RBM4: variants seen among roughly 807,000 people sequenced by gnomAD.
RBM4 encodes RNA binding motif protein 4.
Under a neutral mutation model 29.5 loss-of-function variants are expected in RBM4, and 7 were observed. The ratio of observed to expected loss-of-function variants is 0.24; its 90% CI spans 0.14 to 0.45. The LOEUF is 0.45. Ranked by LOEUF, RBM4 falls within the 20% of genes least tolerant of loss-of-function variation. RBM4 has a pLI of 1.00. For synonymous variants in RBM4, 220 were observed against 205.4 expected (o/e 1.07, Z -0.61); for missense variants, 387 against 502.3 (o/e 0.77, Z 2.19).
Position 66,639,770 on chromosome 11 carries a change from C to T in RBM4, c.59C>T (p.Ser20Leu). 1.2e-6 allele frequency: 2 copies of T among 1,614,120 alleles called. No individual in the cohort carries two copies. The highest frequency in any genetic ancestry group is 1.7e-6 in the Non-Finnish European group (2 of 1,180,012). The change falls in exon 2 of 4, where the codon TCA (serine) becomes TTA (leucine). Residue 20 changes from serine to leucine, a missense_variant. By Grantham distance (145) the Ser-to-Leu change is moderately radical (BLOSUM62 -2). Coordinates refer to ENST00000310092, the MANE Select transcript of RBM4 (RefSeq NM_002896.4). ...GAGGCTACAGAGCAGGAGATTCGCT[C>T]ACTCTTCGAGCAGTATGGGAAGGTG... is the stretch of plus-strand genomic sequence containing the variant. ...PREATEQEIR[S>L]LFEQYGKVLE... is the part of the protein sequence containing the mutation.
chr11:66,645,986 T>C (rs1938676098), intron 3 of RBM4, 41 bp from the exon 4 acceptor site: 2 of 1,535,662 alleles, frequency 1.3e-6, no homozygotes. Flanking sequence ...AAAGCCCTTT[T>C]GAGCTTTGCT....
intron 2 of RBM4, among the ~76,000 whole-genome samples, chr11:66,659,277 T>C (rs1163895944): frequency 1.4e-5 from 2 of 139,672 alleles, no homozygotes; most frequent in African/African-American, 5.4e-5. Context: ...TTTTTTTTTT[T>C]TTTTTTTTTT....
chr11:66,652,465 T>G (rs1938853481), intron 2 of RBM4: 1 of 152,194 alleles, frequency 6.6e-6, no homozygotes, highest in Non-Finnish European at 1.5e-5. Flanking sequence ...AAAAAACAGC[T>G]AAAATGGCAA....
chr11:66,643,904 AGCAGCAGCCGCTGCTGCTGTT>A lies in RBM4; in HGVS notation c.868_888del (p.Ala290_Val296del), dbSNP rs1938576539. On this transcript the variant is annotated inframe_deletion, in exon 3 of 4. Transcript: ENST00000310092. This position sits in a 1 kb window ranked among gnomAD's most constrained non-coding sequence, Gnocchi z 6.1. The stretch of plus-strand genomic sequence containing the variant: ...GAGCTGCTGCCACAGCTGCTGCTGC[AGCAGCAGCCGCTGCTGCTGTT>A]ACTGCAGCTTCCACTTCATATTACG... 2 of 1,608,862 alleles carry A rather than the reference AGCAGCAGCCGCTGCTGCTGTT, an allele frequency of 1.2e-6. No individual in the cohort carries two copies. Among genetic ancestry groups the A allele is most frequent in the Non-Finnish European group, 1.7e-6 (2 of 1,178,472 alleles).
chr11:66,656,159 C>T (rs886076480), intron 2 of RBM4, among the ~76,000 whole-genome samples: 16 of 150,672 alleles, frequency 1.1e-4, no homozygotes, highest in African/African-American at 2.0e-4. Context: ...TTTTTTTAGG[C>T]GGAGTCTCGC....
At chr11:66,652,641 T>A (rs576507456) in intron 2 of RBM4, among the ~76,000 whole-genome samples, 2 of 152,158 alleles carry the variant, frequency 1.3e-5, no homozygotes, top group African/African-American at 2.4e-5. Flanking sequence ...CAGCTTCTCA[T>A]GAGATGCAAA....
Position 66,643,348 on chromosome 11 carries a change from A to T in RBM4, c.413-102A>T. 2.8e-6 allele frequency: 4 copies of T among 1,412,528 alleles called. 1 individual carries two copies. The South Asian group carries it at 4.4e-5, about 16-fold the overall frequency. 87.5% of individuals were successfully genotyped at this position (1,412,528 alleles called of 1,614,324 possible). ...TTTTCCTAAAGATGAGTCCTGCATT[A>T]GAATTGTCTAGATAAAGCCATTGCT... On this transcript the variant is annotated intron_variant, in intron 2 of 3. Coordinates refer to ENST00000310092, the MANE Select transcript of RBM4 (RefSeq NM_002896.4). This position sits in a 1 kb window ranked among gnomAD's most constrained non-coding sequence, Gnocchi z 6.1.
In RBM4 at chr11:66,644,049, G is replaced by C. The variant is rs762225011; in HGVS notation, c.1012G>C (p.Ala338Pro). Residue 338 changes from alanine (A) to proline (P), a missense_variant, in exon 3 of 4, where the codon GCA becomes CCA. Transcript: ENST00000310092. Reference protein sequence around the residue: ...GHESELSQASAAARNSLYDMA... With the variant: ...GHESELSQASPAARNSLYDMA... ...TGAGAGTGAGTTGTCCCAAGCTTCA[G>C]CAGCCGCGCGGAATTCTCTGTACGA... 1.2e-6 allele frequency: 2 copies of C among 1,613,880 alleles called. No individual in the cohort carries two copies. The highest frequency in any genetic ancestry group is 2.7e-5 in the African/African-American group (2 of 74,906).
Position 66,643,730 on chromosome 11 carries a change from T to C in RBM4, c.693T>C (p.Tyr231=). 1 of 1,614,088 alleles carries C rather than the reference T, an allele frequency of 6.2e-7. No homozygotes were observed. Among genetic ancestry groups the C allele is most frequent in the South Asian group, 1.1e-5 (1 of 91,076 alleles). ...YYKRCRAARS[Y]EAVAAAAASV... is the part of the protein sequence containing the mutation. ...AGCGCTGCCGTGCTGCCCGGTCCTA[T>C]GAGGCAGTGGCAGCTGCAGCTGCCT... The change falls in exon 3 of 4, where the codon TAT becomes TAC. Residue 231 remains tyrosine, a synonymous_variant. Transcript: ENST00000310092. This position sits in a 1 kb window ranked among gnomAD's most constrained non-coding sequence, Gnocchi z 6.1.
At chr11:66,647,347 T>TA (rs1049436657), downstream of RBM4, among the ~76,000 whole-genome samples, 1 of 151,960 alleles carries the variant, frequency 6.6e-6, no homozygotes, top group Admixed American at 6.6e-5. Flanking sequence ...ATTTTTTTTT[T>TA]AAATTAATTG....
chr11:66,654,162 C>G (rs1429912981), intron 2 of RBM4, among the ~76,000 whole-genome samples: 3 of 152,136 alleles, frequency 2.0e-5, no homozygotes, highest in Admixed American at 2.0e-4. Context: ...GTACTTAGGA[C>G]TACAGGCATA....
downstream of RBM4, among the ~76,000 whole-genome samples, chr11:66,650,629 C>G (rs948288030): frequency 6.6e-6 from 1 of 151,120 alleles, no homozygotes; most frequent in Non-Finnish European, 1.5e-5. Context: ...TTTGGGAGGC[C>G]GAGGTGGGCG....
chr11:66,649,834 C>T, downstream of RBM4: 3 of 688,840 alleles, frequency 4.4e-6, no homozygotes, highest in Non-Finnish European at 7.9e-6. Context: ...GCCTTGGCCT[C>T]CCAGAGTTTT....
chr11:66,648,194 A>G (rs1173185221), downstream of RBM4, among the ~76,000 whole-genome samples: 4 of 151,910 alleles, frequency 2.6e-5, no homozygotes, highest in African/African-American at 9.7e-5. Flanking sequence ...CAATGAGCAA[A>G]ACTCCTCAAA....
At chr11:66,647,916 T>C (rs1455587137), downstream of RBM4, among the ~76,000 whole-genome samples, 1 of 152,164 alleles carries the variant, frequency 6.6e-6, no homozygotes, top group Non-Finnish European at 1.5e-5. Context: ...GTTAAAATTT[T>C]AACTCCGGCC....
At chr11:66,647,900 A>G (rs1466932785), downstream of RBM4, among the ~76,000 whole-genome samples, 4 of 152,132 alleles carry the variant, frequency 2.6e-5, no homozygotes, top group Non-Finnish European at 4.4e-5. Flanking sequence ...TTGCATTACA[A>G]AACTAGTTAA....
downstream of RBM4, chr11:66,646,486 G>A (rs1347498575): frequency 1.1e-5 from 11 of 992,442 alleles, no homozygotes; most frequent in Non-Finnish European, 1.2e-5. Flanking sequence ...TGTGCTTTGC[G>A]AGACTTCTTG....
chr11:66,639,603 G>T (rs1938352549), intron 1 of RBM4, 97 bp from the exon 2 acceptor site: 1 of 1,457,442 alleles, frequency 6.9e-7, no homozygotes, highest in Non-Finnish European at 9.3e-7. Context: ...GTGTGAGAGA[G>T]AAAACTGGAA....
intron 2 of RBM4, among the ~76,000 whole-genome samples, chr11:66,661,539 C>T (rs563808308): frequency 6.6e-6 from 1 of 151,998 alleles, no homozygotes; most frequent in African/African-American, 2.4e-5. Flanking sequence ...ACAGAAACCA[C>T]ATATGCCTCA....
Sources: gnomAD v4.1 joint callset for allele counts (sites outside exome capture counted in the v4.1 genomes callset) on GRCh38, gnomAD v4.1.1 for gene constraint, Gnocchi (gnomAD v3.1) non-coding constraint, MANE v1.5 for transcripts, NCBI Gene and HGNC (gene_info 2026-07-23, HGNC 2026-07-21) for gene names.